Variants in NR5A2 observed in about 807,000 individuals in gnomAD.
The protein encoded by NR5A2 is nuclear receptor subfamily 5 group A member 2, also known as CYP7A promoter-binding factor.
In NR5A2, 26 loss-of-function variants were observed where a neutral mutation model predicts 62.7. The ratio of observed to expected loss-of-function variants is 0.41; its 90% CI spans 0.30 to 0.58. NR5A2 has a LOEUF of 0.58. Among genes scored for constraint, NR5A2 ranks in the 20% least tolerant of loss-of-function variants. The pLI is 0.22. For missense variants in NR5A2, 541 were observed against 669.1 expected (o/e 0.81, Z 2.11); for synonymous variants, 246 against 241.7 (o/e 1.02, Z -0.16).
chr1:200,078,919 T>A (rs1277802113), intron 5 of NR5A2, among the ~76,000 whole-genome samples: 2 of 152,232 alleles, frequency 1.3e-5, no homozygotes, highest in Non-Finnish European at 2.9e-5. Context: ...TGACAAATTC[T>A]TCATGGACTC....
rs1324945048 is a variant in NR5A2 at position 200,176,484 on chromosome 1, C to T, written c.*2274C>T. On this transcript the variant is annotated 3_prime_UTR_variant, in exon 8 of 8. Transcript: ENST00000367362. ...CAGAGAACAGCAGCATCATTGCCCT[C>T]CCCAGCTGAAAAACAAGTTGGCTAG... 6.6e-6 allele frequency: 1 copy of T among 152,258 alleles called. No individual in the cohort carries two copies. Among genetic ancestry groups the T allele is most frequent in the African/African-American group, 2.4e-5 (1 of 41,404 alleles). The allele number at this position is 152,258 out of a possible 1,614,324, so 9.4% of individuals were successfully genotyped here.
rs953092035 is a variant in NR5A2, at chr1:200,174,335, T to A, written c.*125T>A. 1.0e-6 allele frequency: 1 copy of A among 977,454 alleles called. No homozygotes were observed. Among genetic ancestry groups the A allele is most frequent in the Non-Finnish European group, 1.4e-6 (1 of 724,792 alleles). The allele number at this position is 977,454 out of a possible 1,614,324, so 60.5% of individuals were successfully genotyped here. Reference sequence around the variant, plus strand: ...CAAGTAACGCTAATTAAAAACTTGCTTTAAAGATATTGAATTTAAAAAGGC... The same window carrying A: ...CAAGTAACGCTAATTAAAAACTTGCATTAAAGATATTGAATTTAAAAAGGC... On this transcript the variant is annotated 3_prime_UTR_variant, in exon 8 of 8. Transcript: ENST00000367362.
At chr1:200,032,133 T>C (rs1226775961) in intron 1 of NR5A2, among the ~76,000 whole-genome samples, 6 of 152,184 alleles carry the variant, frequency 3.9e-5, no homozygotes, top group Non-Finnish European at 8.8e-5. Context: ...CTCTAGAGTC[T>C]ACCTTAGGAT....
intron 5 of NR5A2, among the ~76,000 whole-genome samples, chr1:200,052,676 T>C (rs180839256): frequency 0.019 from 2,883 of 152,186 alleles, 36 homozygotes; most frequent in South Asian, 0.042. Flanking sequence ...GAGTCTTGCT[T>C]TGTCGCCCAG....
chr1:200,072,945 G>A (rs1251330440), intron 5 of NR5A2, among the ~76,000 whole-genome samples: 3 of 152,092 alleles, frequency 2.0e-5, no homozygotes, highest in African/African-American at 7.2e-5. Flanking sequence ...AATTTGCCAA[G>A]GAAATTCTTT....
intron 1 of NR5A2, among the ~76,000 whole-genome samples, chr1:200,028,443 A>C (rs1165383245): frequency 2.7e-5 from 4 of 150,672 alleles, no homozygotes; most frequent in South Asian, 2.1e-4. Context: ...AAAAAAAAAA[A>C]CCAAAAAAAC....
chr1:200,132,016 A>G (rs1420702392), intron 7 of NR5A2, among the ~76,000 whole-genome samples: 1 of 152,034 alleles, frequency 6.6e-6, no homozygotes, highest in Non-Finnish European at 1.5e-5. Context: ...GACAACATAG[A>G]GTCTTTTTTT....
At chr1:200,085,683 G>A (rs76102543) in intron 5 of NR5A2, among the ~76,000 whole-genome samples, 10 of 148,108 alleles carry the variant, frequency 6.8e-5, no homozygotes, top group African/African-American at 5.0e-5. Context: ...AAAAAGAAAA[G>A]AAAGAAAGAA....
intron 7 of NR5A2, among the ~76,000 whole-genome samples, chr1:200,150,768 C>T (rs1653047970): frequency 6.6e-6 from 1 of 152,156 alleles, no homozygotes; most frequent in Non-Finnish European, 1.5e-5. Flanking sequence ...CTTCCTAATG[C>T]CCCAGGCATT....
At chr1:200,036,413 C>G in intron 1 of NR5A2, among the ~76,000 whole-genome samples, 1 of 152,136 alleles carries the variant, frequency 6.6e-6, no homozygotes, top group East Asian at 1.9e-4. Context: ...GTCAAAGGAC[C>G]AGAGTGAGTG....
chr1:200,065,564 C>T (rs1663429960), intron 5 of NR5A2, among the ~76,000 whole-genome samples: 1 of 152,210 alleles, frequency 6.6e-6, no homozygotes, highest in South Asian at 2.1e-4. Context: ...GCCCAGTGTG[C>T]CTAAAGTGAT....
chr1:200,075,584 A>G (rs973665881), intron 5 of NR5A2, among the ~76,000 whole-genome samples: 2 of 152,258 alleles, frequency 1.3e-5, no homozygotes, highest in African/African-American at 4.8e-5. Context: ...ACAGAGTAGT[A>G]ATCTGTTGCG....
intron 5 of NR5A2, among the ~76,000 whole-genome samples, chr1:200,082,614 GAGTCTT>G (rs1451590911): frequency 6.6e-6 from 1 of 152,168 alleles, no homozygotes; most frequent in East Asian, 1.9e-4. Context: ...TATTTGGAAT[GAGTCTT>G]AGTATTAAGA....
In NR5A2 at chr1:200,039,330, C is replaced by A. The variant is rs959338082; in HGVS notation, c.65-328C>A. 3.9e-5 allele frequency among the ~76,000 whole-genome samples: 6 copies of A among 152,048 alleles called. No homozygotes were observed. The highest frequency in any genetic ancestry group is 8.8e-5 in the Non-Finnish European group (6 of 67,998). Reference sequence around the variant, plus strand: ...GGCGGCAATAGCAGCCCCGCGGTCGCCTCCGCTGCCCGCCGGGAGCTCGGC... The same window carrying A: ...GGCGGCAATAGCAGCCCCGCGGTCGACTCCGCTGCCCGCCGGGAGCTCGGC... On this transcript the variant is annotated intron_variant, in intron 1 of 7. Coordinates refer to ENST00000367362, the MANE Select transcript of NR5A2 (RefSeq NM_205860.3). This position sits in a 1 kb window ranked among gnomAD's most constrained non-coding sequence, Gnocchi z 5.1.
chr1:200,143,185 T>C (rs2102348405), intron 7 of NR5A2, among the ~76,000 whole-genome samples: 1 of 152,264 alleles, frequency 6.6e-6, no homozygotes, highest in Non-Finnish European at 1.5e-5. Context: ...TCCTCTGCAT[T>C]TAGCATTTCT....
At chr1:200,049,121 G>A (rs1052916047) in intron 5 of NR5A2, among the ~76,000 whole-genome samples, 2 of 151,768 alleles carry the variant, frequency 1.3e-5, no homozygotes, top group African/African-American at 4.8e-5. Flanking sequence ...GATGGTTTGT[G>A]GCTTAAAACA....
intron 5 of NR5A2, among the ~76,000 whole-genome samples, chr1:200,094,125 C>T (rs1377007926): frequency 1.3e-5 from 2 of 151,674 alleles, no homozygotes; most frequent in Middle Eastern, 3.4e-3. Flanking sequence ...ACCAAGATCA[C>T]GCCACTGCAC....
Position 200,039,858 on chromosome 1 carries a change from A to C in NR5A2, c.202+63A>C, listed in dbSNP as rs1661981932. On this transcript the variant is annotated intron_variant, in intron 2 of 7. Transcript: ENST00000367362. The surrounding 1 kb of genome is among the most constrained non-coding windows in gnomAD (Gnocchi z 5.1). ...TTCCCCACCCCCGGGCTCGCCCTGC[A>C]GGCTTCAGCCTCCCGCCCCGCGCGG... 9 of 1,521,800 alleles carry C rather than the reference A, an allele frequency of 5.9e-6. No homozygotes were observed. Among genetic ancestry groups the C allele is most frequent in the Non-Finnish European group, 7.0e-6 (8 of 1,141,654 alleles). 94.3% of individuals were successfully genotyped at this position (1,521,800 alleles called of 1,614,324 possible). A position where few individuals can be genotyped will look rare whatever the true frequency, so the allele number is the denominator to read the frequency against.
In NR5A2 at chr1:200,057,224, TAA is replaced by T. The variant is rs372426761; in HGVS notation, c.1110+8408_1110+8409del. 7.1e-3 allele frequency among the ~76,000 whole-genome samples: 1,084 copies of T among 152,248 alleles called. 21 individuals are homozygous for T. Among genetic ancestry groups the T allele is most frequent in the Admixed American group, 0.01 (156 of 15,296 alleles). ...CCTTGCTCTGCTCTAGGTCATATGG[TAA>T]AGGAGAAGAGAAGTAACTTTTCTTG... On this transcript the variant is annotated intron_variant, in intron 5 of 7. Coordinates refer to ENST00000367362, the MANE Select transcript of NR5A2 (RefSeq NM_205860.3).
Sources: allele counts gnomAD v4.1 joint callset (sites outside exome capture counted in the v4.1 genomes callset), GRCh38; gene constraint gnomAD v4.1.1; non-coding constraint Gnocchi (gnomAD v3.1); transcripts MANE v1.5; gene names NCBI Gene and HGNC (gene_info 2026-07-23, HGNC 2026-07-21).